Variants in CLTCL1 observed in about 807,000 individuals in gnomAD.
The protein encoded by CLTCL1 is clathrin heavy chain like 1.
Under a neutral mutation model 190.0 loss-of-function variants are expected in CLTCL1, and 159 were observed. That is an observed-to-expected ratio of 0.84 (90% CI 0.74 to 0.95). The LOEUF is 0.95. CLTCL1 is among the 40% of genes least tolerant of loss of function. The pLI is 0.00. For missense variants in CLTCL1, 1,878 were observed against 2,033.4 expected, an observed-to-expected ratio of 0.92 and a Z score of 1.47; for synonymous variants, 752 against 769.6, an observed-to-expected ratio of 0.98 and a Z score of 0.38.
intron 18 of CLTCL1, among the ~76,000 whole-genome samples, chr22:19,217,190 T>C (rs2085411170): frequency 6.6e-6 from 1 of 152,164 alleles, no homozygotes; most frequent in African/African-American, 2.4e-5. Context: ...CTGAAGAGTT[T>C]GAGAACAGGA....
At chr22:19,234,856 G>A (rs2086030297) in intron 6 of CLTCL1, 150 bp from the exon 7 acceptor site, 6 of 726,612 alleles carry the variant, frequency 8.3e-6, no homozygotes, top group Non-Finnish European at 1.2e-5. Context: ...GTGAAAGGAG[G>A]CAAAGCAGCC....
At chr22:19,213,847 C>T (rs1555948235) in intron 19 of CLTCL1, among the ~76,000 whole-genome samples, 1 of 106,332 alleles carries the variant, frequency 9.4e-6, no homozygotes, top group Non-Finnish European at 2.1e-5. Context: ...GTTTGTATCC[C>T]GACTGTGGTG....
intron 26 of CLTCL1, among the ~76,000 whole-genome samples, chr22:19,194,256 A>T (rs1276913063): frequency 6.6e-6 from 1 of 152,116 alleles, no homozygotes; most frequent in Non-Finnish European, 1.5e-5. Flanking sequence ...GTCACCTCTC[A>T]AGATCACCTG....
chr22:19,247,261 C>T lies in CLTCL1; in HGVS notation c.520-4325G>A, dbSNP rs9618515. ...CATTCCTGAAGAGACTATTGTTTCA[C>T]CATTGAACAGTCTTGACACTCTCAT... On this transcript the variant is annotated intron_variant, in intron 3 of 32. Transcript: ENST00000427926. Among the ~76,000 whole-genome samples, 680 of 152,240 alleles carry T rather than the reference C, an allele frequency of 4.5e-3. 5 individuals carry two copies. Among genetic ancestry groups the T allele is most frequent in the African/African-American group, 0.015 (609 of 41,536 alleles).
chr22:19,210,650 A>T, intron 19 of CLTCL1, 141 bp from the exon 20 acceptor site: 1 of 626,734 alleles, frequency 1.6e-6, no homozygotes, highest in Admixed American at 3.1e-5. Flanking sequence ...AAGTAAATAC[A>T]ACAGAGTATT....
chr22:19,249,370 AAAATTAAAATTAAG>A (rs2146025776), intron 3 of CLTCL1, among the ~76,000 whole-genome samples: 2 of 152,190 alleles, frequency 1.3e-5, no homozygotes, highest in East Asian at 3.9e-4. Flanking sequence ...AAAAATAAAA[AAAATTAAAATTAAG>A]AAATTAAAAT....
At chr22:19,227,547 C>T (rs917879036) in intron 11 of CLTCL1, among the ~76,000 whole-genome samples, 9 of 151,488 alleles carry the variant, frequency 5.9e-5, no homozygotes, top group African/African-American at 9.7e-5. Flanking sequence ...CTCCGTCTCA[C>T]GGGTTCAAGT....
chr22:19,257,927 C>G (rs2086817661), intron 2 of CLTCL1: 13 of 1,154,784 alleles, frequency 1.1e-5, no homozygotes, highest in Admixed American at 7.6e-5. Context: ...CACTGAGAAG[C>G]TGATGGCTCA....
At position 19,196,370 on chromosome 22, in the gene CLTCL1, A is replaced by G. The variant is rs1555935578; in HGVS notation, c.4087T>C (p.Phe1363Leu). 1 of 1,614,036 alleles carries G rather than the reference A, an allele frequency of 6.2e-7. No homozygotes were observed. Among genetic ancestry groups the G allele is most frequent in the South Asian group, 1.1e-5 (1 of 91,090 alleles). Residue 1363 changes from phenylalanine to leucine, a missense_variant, in exon 26 of 33, where the codon TTC becomes CTC. Coordinates refer to ENST00000427926, the MANE Select transcript of CLTCL1 (RefSeq NM_007098.4). Reference protein sequence around the residue: ...EQAHLWAELVFLYDKYEEYDN... With the variant: ...EQAHLWAELVLLYDKYEEYDN... Reference sequence around the variant, plus strand: ...TACTCCTCGTACTTGTCATAGAGGAACACCAGCTCAGCCCACAGGTGTGCC... The same window carrying G: ...TACTCCTCGTACTTGTCATAGAGGAGCACCAGCTCAGCCCACAGGTGTGCC...
chr22:19,265,801 T>C (rs2087104819), intron 2 of CLTCL1, among the ~76,000 whole-genome samples: 2 of 152,330 alleles, frequency 1.3e-5, no homozygotes, highest in Middle Eastern at 3.4e-3. Context: ...GCTGTGCGCA[T>C]GTTCCTGAAG....
rs1555971370 is a variant in CLTCL1, at chr22:19,254,088, C to A, written c.390G>T (p.Trp130Cys). The stretch of plus-strand genomic sequence containing the variant: ...TGGGCTGGGAGTCACCTTCCATGCT[C>A]CAGTGGTAGACCGCGGTCTCGGTCA... ...ALVTETAVYH[W>C]SMEGDSQPMK... The change falls in exon 3 of 33, where the codon TGG becomes TGT. Residue 130 changes from tryptophan (W) to cysteine (C), a missense_variant. Physicochemically the swap from Trp to Cys is radical, Grantham distance 215 (BLOSUM62 -2). Transcript: ENST00000427926. 2 of 1,612,656 alleles carry A rather than the reference C, an allele frequency of 1.2e-6. No individual in the cohort carries two copies. The highest frequency in any genetic ancestry group is 2.7e-5 in the African/African-American group (2 of 74,864).
rs1028897678 is a variant in CLTCL1 at position 19,232,407 on chromosome 22, C to T, written c.1644+69G>A. The T allele has an allele frequency of 8.8e-6, 14 of 1,593,312 alleles. No homozygotes were observed. The African/African-American group carries it at 1.4e-4, about 15-fold the overall frequency. ...AGCATTGAGACAAGTTAACAGGAAA[C>T]GAATCAAAGAAATCTTCTAGATGGC... On this transcript the variant is annotated intron_variant, in intron 10 of 32. Coordinates refer to ENST00000427926, the MANE Select transcript of CLTCL1 (RefSeq NM_007098.4).
At chr22:19,195,653 G>A (rs2084673808) in intron 26 of CLTCL1, among the ~76,000 whole-genome samples, 1 of 151,928 alleles carries the variant, frequency 6.6e-6, no homozygotes, top group Non-Finnish European at 1.5e-5. Context: ...GAGCTGGAGA[G>A]GGGTGGGTCC....
chr22:19,194,617 T>G (rs970035172), intron 26 of CLTCL1, among the ~76,000 whole-genome samples: 1 of 152,168 alleles, frequency 6.6e-6, no homozygotes, highest in African/African-American at 2.4e-5. Flanking sequence ...GCACCTGCCA[T>G]GGACCACTTG....
chr22:19,216,846 C>T (rs782429647), intron 18 of CLTCL1, among the ~76,000 whole-genome samples: 4 of 152,238 alleles, frequency 2.6e-5, no homozygotes, highest in Non-Finnish European at 5.9e-5. Flanking sequence ...CATGCAACAG[C>T]AGTTTGGAAC....
chr22:19,240,992 C>T (rs782219348), intron 4 of CLTCL1, among the ~76,000 whole-genome samples: 1 of 152,250 alleles, frequency 6.6e-6, no homozygotes, highest in Non-Finnish European at 1.5e-5. Context: ...AGGTGCATGC[C>T]TGGGCACAGG....
At position 19,219,867 on chromosome 22, in the gene CLTCL1, C is replaced by A. The variant is rs782699803; in HGVS notation, c.2919+18G>T. On this transcript the variant is annotated intron_variant, in intron 18 of 32. Transcript: ENST00000427926. ...GGCAAAATGCAGGTGTGCAGACATA[C>A]CCATCTCTGTGCCTCACCTGGTCAA... 1.1e-5 allele frequency: 18 copies of A among 1,613,878 alleles called. No individual in the cohort carries two copies. Among genetic ancestry groups the A allele is most frequent in the South Asian group, 3.3e-5 (3 of 91,088 alleles).
intron 6 of CLTCL1, 30 bp from the exon 7 acceptor site, chr22:19,234,736 C>T (rs56165373): frequency 0.012 from 18,364 of 1,588,680 alleles, 137 homozygotes; most frequent in Non-Finnish European, 0.014. Flanking sequence ...GAGAGCAGCC[C>T]GGCCTAGAAG....
Position 19,226,301 on chromosome 22 carries a change from AG to A in CLTCL1, c.1864del (p.Leu622SerfsTer98), listed in dbSNP as rs1230542945. ...GTAGTGCTCCAGTGCTTGCTGCAGG[AG>A]GCCTGCCTTCTCACAGAGCTGGGCA... is the stretch of plus-strand genomic sequence containing the variant. ...HIAQLCEKAG[L>X]LQQALEHYTD... On this transcript the variant is annotated frameshift_variant, in exon 12 of 33. Coordinates refer to ENST00000427926, the MANE Select transcript of CLTCL1 (RefSeq NM_007098.4). LOFTEE classifies it high-confidence loss of function. 1.2e-6 allele frequency: 2 copies of A among 1,614,040 alleles called. No individual in the cohort carries two copies. Among genetic ancestry groups the A allele is most frequent in the African/African-American group, 2.7e-5 (2 of 75,060 alleles).
Sources: allele counts gnomAD v4.1 joint callset (sites outside exome capture counted in the v4.1 genomes callset), GRCh38; gene constraint gnomAD v4.1.1; transcripts MANE v1.5; gene names NCBI Gene and HGNC (gene_info 2026-07-23, HGNC 2026-07-21).